The following MECOM variants were observed in gnomAD, a reference collection of about 807,000 sequenced individuals.
The protein encoded by MECOM is histone-lysine N-methyltransferase MECOM.
In MECOM, 13 loss-of-function variants were observed where a neutral mutation model predicts 116.3. That is an observed-to-expected ratio of 0.11 (90% confidence interval 0.07 to 0.18). The LOEUF is 0.18. MECOM is among the 10% of genes least tolerant of loss of function. MECOM has a pLI of 1.00. For missense variants in MECOM, 1,299 were observed against 1,509.0 expected, an observed-to-expected ratio of 0.86 and a Z score of 2.31; for synonymous variants, 528 against 535.2, an observed-to-expected ratio of 0.99 and a Z score of 0.19.
At chr3:169,205,312 ATATT>A (rs1749772398) in intron 2 of MECOM, among the ~76,000 whole-genome samples, 1 of 152,190 alleles carries the variant, frequency 6.6e-6, no homozygotes, top group African/African-American at 2.4e-5. Flanking sequence ...CCCCTTGAAG[ATATT>A]AATTTACTTT....
At chr3:169,326,259 T>C (rs1351398647) in intron 2 of MECOM, among the ~76,000 whole-genome samples, 3 of 151,900 alleles carry the variant, frequency 2.0e-5, no homozygotes, top group Admixed American at 2.0e-4. Context: ...AGAGAAAAGA[T>C]GGATGCACTC....
At chr3:169,253,679 A>T (rs1756519586) in intron 2 of MECOM, among the ~76,000 whole-genome samples, 1 of 152,118 alleles carries the variant, frequency 6.6e-6, no homozygotes, top group South Asian at 2.1e-4. Flanking sequence ...TATTTGCAGA[A>T]CACTTTTTTC....
intron 4 of MECOM, among the ~76,000 whole-genome samples, 170 bp downstream of exon 4, chr3:169,131,259 G>A (rs974017953): frequency 2.6e-5 from 4 of 152,216 alleles, no homozygotes. Flanking sequence ...CACTGTAATA[G>A]TGGCCAGATG....
At chr3:169,341,247 A>T (rs1398985813) in intron 2 of MECOM, among the ~76,000 whole-genome samples, 1 of 152,134 alleles carries the variant, frequency 6.6e-6, no homozygotes, top group African/African-American at 2.4e-5. Flanking sequence ...TTGCAACAAC[A>T]TGGATGGAAC....
intron 2 of MECOM, among the ~76,000 whole-genome samples, chr3:169,371,711 A>G (rs540181096): frequency 6.6e-6 from 1 of 152,098 alleles, no homozygotes; most frequent in South Asian, 2.1e-4. Flanking sequence ...CAAACACAAA[A>G]AATCTGTTGC....
intron 1 of MECOM, chr3:169,565,859 C>A: frequency 2.6e-6 from 1 of 386,530 alleles, no homozygotes; most frequent in East Asian, 8.2e-5. Context: ...TTTGGCAGCC[C>A]CTAGCATGCA....
intron 2 of MECOM, among the ~76,000 whole-genome samples, chr3:169,278,995 G>C (rs1470218257): frequency 6.6e-6 from 1 of 152,220 alleles, no homozygotes; most frequent in Non-Finnish European, 1.5e-5. Context: ...TGCTTGCTGA[G>C]TCACTTCTGA....
intron 1 of MECOM, among the ~76,000 whole-genome samples, chr3:169,498,537 C>G (rs1025496338): frequency 3.3e-5 from 5 of 152,144 alleles, no homozygotes; most frequent in African/African-American, 1.2e-4. Flanking sequence ...CACACATGAC[C>G]CAAGTACACT....
At chr3:169,265,282 G>A (rs1303781850) in intron 2 of MECOM, among the ~76,000 whole-genome samples, 2 of 152,164 alleles carry the variant, frequency 1.3e-5, no homozygotes. Context: ...CTGATAAGAT[G>A]TGGCAGGCAG....
At chr3:169,472,254 ATGG>A (rs990122052) in intron 1 of MECOM, among the ~76,000 whole-genome samples, 4 of 151,106 alleles carry the variant, frequency 2.6e-5, no homozygotes, top group Admixed American at 6.6e-5. Flanking sequence ...AGTTCACCCA[ATGG>A]TGCCTATAAT....
intron 1 of MECOM, among the ~76,000 whole-genome samples, chr3:169,625,377 T>G (rs1274895466): frequency 6.6e-6 from 1 of 152,208 alleles, no homozygotes; most frequent in African/African-American, 2.4e-5. Flanking sequence ...CCTGACAGGT[T>G]AAAGCTGTTT....
chr3:169,197,664 C>T (rs889500700), intron 2 of MECOM, among the ~76,000 whole-genome samples: 3 of 151,964 alleles, frequency 2.0e-5, no homozygotes, highest in Non-Finnish European at 4.4e-5. Flanking sequence ...TGTGAATGAT[C>T]TACAGAAAGG....
At chr3:169,460,957 A>G (rs1747343232) in intron 1 of MECOM, among the ~76,000 whole-genome samples, 1 of 152,176 alleles carries the variant, frequency 6.6e-6, no homozygotes, top group African/African-American at 2.4e-5. Context: ...GCCTTTTTGG[A>G]AAATAATCCT....
rs981134675 is a variant in MECOM, at chr3:169,483,711, T to C, written c.38-102187A>G. ...CTCCTCTTCTTCGTCCTGGTTAATC[T>C]GGAAGTAACGTAATTCGTAACTCTC... On this transcript the variant is annotated intron_variant, in intron 1 of 16. Coordinates refer to ENST00000651503, the MANE Select transcript of MECOM (RefSeq NM_004991.4). 5 of 1,586,868 alleles carry C rather than the reference T, an allele frequency of 3.2e-6. No homozygotes were observed. In the South Asian group the frequency reaches 4.4e-5, roughly 14 times the overall value.
intron 2 of MECOM, among the ~76,000 whole-genome samples, chr3:169,314,412 G>A (rs1719366652): frequency 6.6e-6 from 1 of 152,218 alleles, no homozygotes; most frequent in Non-Finnish European, 1.5e-5. Flanking sequence ...CACGTGCATA[G>A]TTCACAGTCT....
intron 2 of MECOM, among the ~76,000 whole-genome samples, chr3:169,236,637 C>A (rs1754100450): frequency 1.3e-5 from 2 of 152,206 alleles, no homozygotes; most frequent in Admixed American, 1.3e-4. Flanking sequence ...TTTGTATACA[C>A]CTCGAAGAGC....
chr3:169,358,811 C>A (rs1282130895), intron 2 of MECOM, among the ~76,000 whole-genome samples: 1 of 151,710 alleles, frequency 6.6e-6, no homozygotes, highest in Non-Finnish European at 1.5e-5. Flanking sequence ...ACGTAAGTGG[C>A]TTTCAAAAGG....
At chr3:169,245,963 CT>C (rs912318187) in intron 2 of MECOM, among the ~76,000 whole-genome samples, 6 of 151,758 alleles carry the variant, frequency 4.0e-5, no homozygotes, top group African/African-American at 1.2e-4. Flanking sequence ...TCTGCCAAGC[CT>C]TTTTTTTCCA....
intron 2 of MECOM, among the ~76,000 whole-genome samples, chr3:169,226,055 A>T (rs973810787): frequency 4.6e-5 from 7 of 152,234 alleles, no homozygotes; most frequent in African/African-American, 7.2e-5. Context: ...TCTCTTTAAC[A>T]TTCTTTAACT....
Sources: gnomAD v4.1 joint callset for allele counts (sites outside exome capture counted in the v4.1 genomes callset) on GRCh38, gnomAD v4.1.1 for gene constraint, MANE v1.5 for transcripts, NCBI Gene and HGNC (gene_info 2026-07-23, HGNC 2026-07-21) for gene names.